The following CCDC141 variants were observed in gnomAD, a reference collection of about 807,000 sequenced individuals.
CCDC141 encodes the protein coiled-coil domain-containing protein 141.
A neutral mutation model predicts 181.0 loss-of-function variants in CCDC141; 168 were observed. The observed-to-expected ratio is 0.93, with a 90% CI of 0.82 to 1.05. The LOEUF (loss-of-function observed/expected upper bound fraction) is 1.05. Among genes scored for constraint, CCDC141 ranks in the 50% least tolerant of loss-of-function variants. The pLI is 0.00. For missense variants in CCDC141, 1,902 were observed against 1,788.5 expected (o/e 1.06, Z -1.14); for synonymous variants, 666 against 642.3 (o/e 1.04, Z -0.56).
At chr2:178,955,292 AAATAAT>A (rs560058752) in intron 5 of CCDC141, among the ~76,000 whole-genome samples, 1 of 151,770 alleles carries the variant, frequency 6.6e-6, no homozygotes, top group East Asian at 1.9e-4. Flanking sequence ...CTCAAAAAGA[AAATAAT>A]AATAATAATA....
rs4894072 is a variant in CCDC141 at position 178,980,747 on chromosome 2, G to A, written c.226-2072C>T. 1.4e-3 allele frequency among the ~76,000 whole-genome samples: 210 copies of A among 152,110 alleles called. 1 individual carries two copies. Among genetic ancestry groups the A allele is most frequent in the Non-Finnish European group, 2.6e-3 (177 of 67,962 alleles). On this transcript the variant is annotated intron_variant, in intron 2 of 23. Coordinates refer to ENST00000443758, the MANE Select transcript of CCDC141 (RefSeq NM_173648.4). ...AAATAAATTGGAGTAACAATGTGAA[G>A]TGATATGTCAATTAGCTCAATTAAT...
At chr2:178,988,575 A>G (rs554460045) in intron 2 of CCDC141, among the ~76,000 whole-genome samples, 5 of 152,180 alleles carry the variant, frequency 3.3e-5, no homozygotes, top group Non-Finnish European at 5.9e-5. Context: ...AAAAAGCAAT[A>G]CTGTCTAAAG....
In CCDC141 at chr2:178,961,224, G is replaced by T. The variant is rs1055699749; in HGVS notation, c.780+6C>A. The T allele has an allele frequency of 1.6e-5, 25 of 1,549,672 alleles. No homozygotes were observed. The highest frequency in any genetic ancestry group is 2.2e-5 in the Non-Finnish European group (25 of 1,146,464). On this transcript the variant is annotated splice_donor_region_variant and intron_variant, in intron 5 of 23. Transcript: ENST00000443758. ...TGGAACATCATCCAATGCCCCTTTG[G>T]GTTACCTGGTTTTCTTGTTGGTCCC... is the stretch of plus-strand genomic sequence containing the variant.
chr2:178,861,216 GAGTGC>G (rs1685602043), intron 17 of CCDC141, among the ~76,000 whole-genome samples: 1 of 151,698 alleles, frequency 6.6e-6, no homozygotes, highest in South Asian at 2.1e-4. Flanking sequence ...GTCCAGGCTA[GAGTGC>G]AGTGACGTGA....
At chr2:178,987,654 C>T (rs1270389222) in intron 2 of CCDC141, among the ~76,000 whole-genome samples, 72 of 149,762 alleles carry the variant, frequency 4.8e-4, no homozygotes, top group Non-Finnish European at 6.4e-4. Context: ...AAAAAGTGGG[C>T]GAAGGACATG....
At chr2:178,845,554 T>C in intron 22 of CCDC141, 72 bp downstream of exon 22, 1 of 820,240 alleles carries the variant, frequency 1.2e-6, no homozygotes, top group Non-Finnish European at 2.1e-6. Context: ...TTCACTTTTA[T>C]TTTGCAATGG....
chr2:178,934,685 GAT>G (rs1209414725), intron 6 of CCDC141, among the ~76,000 whole-genome samples: 1 of 152,272 alleles, frequency 6.6e-6, no homozygotes, highest in East Asian at 1.9e-4. Flanking sequence ...AGTAAGAAAT[GAT>G]AGAGGCATTT....
At chr2:179,015,699 T>C (rs1156643063) in intron 2 of CCDC141, among the ~76,000 whole-genome samples, 1 of 122,102 alleles carries the variant, frequency 8.2e-6, no homozygotes, top group Non-Finnish European at 1.7e-5. Flanking sequence ...ACATATCTCA[T>C]ATATATATCT....
At chr2:178,918,652 T>A in intron 7 of CCDC141, 61 bp downstream of exon 7, 1 of 1,369,908 alleles carries the variant, frequency 7.3e-7, no homozygotes, top group Non-Finnish European at 1.0e-6. Context: ...TCAGTTGAAG[T>A]AATGGGTCTT....
intron 23 of CCDC141, chr2:178,835,739 A>G (rs1159216255): frequency 6.6e-6 from 1 of 152,390 alleles, no homozygotes; most frequent in Non-Finnish European, 1.5e-5. Flanking sequence ...CAAAAACAAG[A>G]AACACATCTG....
At chr2:178,942,089 C>T (rs1689547977) in intron 6 of CCDC141, among the ~76,000 whole-genome samples, 1 of 145,196 alleles carries the variant, frequency 6.9e-6, no homozygotes, top group African/African-American at 2.6e-5. Context: ...GGCTTGAAAA[C>T]TACTTGAGTA....
At chr2:178,870,058 C>T (rs1197583099) in intron 14 of CCDC141, among the ~76,000 whole-genome samples, 3 of 151,856 alleles carry the variant, frequency 2.0e-5, no homozygotes, top group Non-Finnish European at 2.9e-5. Flanking sequence ...ATGGCAGAAC[C>T]CTGTCTCTAC....
At chr2:178,985,598 G>A (rs1691686526) in intron 2 of CCDC141, among the ~76,000 whole-genome samples, 1 of 151,712 alleles carries the variant, frequency 6.6e-6, no homozygotes, top group South Asian at 2.1e-4. Context: ...AAACAGAGAA[G>A]AATCAAATAG....
At chr2:179,042,083 A>G (rs1402545591) in intron 2 of CCDC141, among the ~76,000 whole-genome samples, 1 of 152,212 alleles carries the variant, frequency 6.6e-6, no homozygotes. Flanking sequence ...AGTCATATAC[A>G]GAACTGTCCA....
intron 5 of CCDC141, among the ~76,000 whole-genome samples, chr2:178,949,245 A>G (rs1575255272): frequency 6.6e-6 from 1 of 152,214 alleles, no homozygotes; most frequent in African/African-American, 2.4e-5. Context: ...ATAAGAATGA[A>G]GAAGGTAAAA....
intron 2 of CCDC141, among the ~76,000 whole-genome samples, chr2:179,026,074 A>G (rs1280621559): frequency 2.6e-5 from 4 of 152,248 alleles, no homozygotes; most frequent in African/African-American, 7.2e-5. Context: ...TTGCAGCCAG[A>G]CAATGTGATA....
In CCDC141 at chr2:178,829,842, A is replaced by T. The variant is rs1014971162; in HGVS notation, c.*4331T>A. The T allele has an allele frequency of 6.6e-6, 1 of 152,244 alleles. No individual in the cohort carries two copies. Among genetic ancestry groups the T allele is most frequent in the Non-Finnish European group, 1.5e-5 (1 of 68,034 alleles). 9.4% of individuals were successfully genotyped at this position (152,244 alleles called of 1,614,324 possible). A position where few individuals can be genotyped will look rare whatever the true frequency, so the allele number is the denominator to read the frequency against. On this transcript the variant is annotated 3_prime_UTR_variant, in exon 24 of 24. Coordinates refer to ENST00000443758, the MANE Select transcript of CCDC141 (RefSeq NM_173648.4). ...GCTGTGCATACAACAGGAGTTTCAAAAGCTTCAGATGGTGATTTTTAGTAA... is the reference window on the plus strand; with the variant it reads ...GCTGTGCATACAACAGGAGTTTCAATAGCTTCAGATGGTGATTTTTAGTAA...
Position 179,000,927 on chromosome 2 carries a change from G to A in CCDC141, c.226-22252C>T, listed in dbSNP as rs911851010. ...TGACTTCCCCACTAACCCTTGAACT[G>A]TTTTTTATTCCTTGTGTGTAATGCA... On this transcript the variant is annotated intron_variant, in intron 2 of 23. Transcript: ENST00000443758. Among the ~76,000 whole-genome samples the A allele has an allele frequency of 4.6e-5, 7 of 152,268 alleles. No homozygotes were observed. The East Asian group carries it at 1.2e-3, about 25-fold the overall frequency.
At chr2:178,859,109 T>C (rs1293518188) in intron 17 of CCDC141, among the ~76,000 whole-genome samples, 1 of 152,206 alleles carries the variant, frequency 6.6e-6, no homozygotes, top group Non-Finnish European at 1.5e-5. Context: ...TCAAGTTCTT[T>C]CTGACACATG....
Sources: allele counts gnomAD v4.1 joint callset (sites outside exome capture counted in the v4.1 genomes callset), GRCh38; gene constraint gnomAD v4.1.1; transcripts MANE v1.5; gene names NCBI Gene and HGNC (gene_info 2026-07-23, HGNC 2026-07-21).